Variants in GPR158 observed in about 807,000 individuals in gnomAD.
GPR158 encodes the protein G protein-coupled receptor 158.
A neutral mutation model predicts 78.2 loss-of-function variants in GPR158; 30 were observed. That is an observed-to-expected ratio of 0.38 (90% CI 0.29 to 0.52). The LOEUF is 0.52. Ranked by LOEUF, GPR158 falls within the 20% of genes least tolerant of loss-of-function variation. The pLI is 0.83. For missense variants in GPR158, 1,463 were observed against 1,523.5 expected (o/e 0.96, Z 0.66); for synonymous variants, 581 against 591.1 (o/e 0.98, Z 0.25).
intron 2 of GPR158, among the ~76,000 whole-genome samples, chr10:25,300,788 T>G (rs1854580781): frequency 6.6e-6 from 1 of 151,954 alleles, no homozygotes; most frequent in South Asian, 2.1e-4. Flanking sequence ...GGTGACCCCC[T>G]GTGATGCAAA....
chr10:25,207,764 A>G (rs1240986226), intron 1 of GPR158, among the ~76,000 whole-genome samples: 1 of 152,164 alleles, frequency 6.6e-6, no homozygotes. Flanking sequence ...GGTTGACTTT[A>G]TATGATTCTA....
chr10:25,241,309 CT>C (rs1452240238), intron 2 of GPR158, among the ~76,000 whole-genome samples: 10 of 105,684 alleles, frequency 9.5e-5, no homozygotes, highest in African/African-American at 3.2e-4. Context: ...CTTTTCTTTT[CT>C]TTTCTCTTCT....
At chr10:25,235,957 A>G (rs540811602) in intron 2 of GPR158, among the ~76,000 whole-genome samples, 2 of 151,990 alleles carry the variant, frequency 1.3e-5, no homozygotes, top group Non-Finnish European at 2.9e-5. Context: ...CAGCCCCCCA[A>G]AGTCCTGGGA....
chr10:25,579,923 C>G (rs1837165001), intron 7 of GPR158, among the ~76,000 whole-genome samples: 1 of 152,178 alleles, frequency 6.6e-6, no homozygotes, highest in Non-Finnish European at 1.5e-5. Flanking sequence ...TATAGCCTAA[C>G]TCTTCTTAAC....
chr10:25,571,072 G>A (rs964876047), intron 6 of GPR158, among the ~76,000 whole-genome samples: 2 of 152,156 alleles, frequency 1.3e-5, no homozygotes, highest in Non-Finnish European at 1.5e-5. Context: ...GAAGTGATTA[G>A]GCATAGTGAA....
At chr10:25,354,974 G>A (rs1855528863) in intron 2 of GPR158, among the ~76,000 whole-genome samples, 2 of 151,970 alleles carry the variant, frequency 1.3e-5, no homozygotes, top group Non-Finnish European at 2.9e-5. Context: ...TTCTCTAGAT[G>A]CTTTAGGATC....
At chr10:25,410,632 A>G (rs1339862551) in intron 3 of GPR158, among the ~76,000 whole-genome samples, 2 of 152,148 alleles carry the variant, frequency 1.3e-5, no homozygotes, top group Non-Finnish European at 2.9e-5. Context: ...AAATAAATAA[A>G]TAAATAACCT....
At position 25,387,380 on chromosome 10, in the gene GPR158, G is replaced by T. The variant is rs531820182; in HGVS notation, c.1009-8531G>T. Among the ~76,000 whole-genome samples the T allele has an allele frequency of 8.5e-5, 13 of 152,214 alleles. No individual in the cohort carries two copies. The East Asian group carries it at 2.5e-3, about 29-fold the overall frequency. ...GTCTGTTGAATTTCTGGTGAATTTG[G>T]TTTGAGATTTTTGCATCAATATTCA... On this transcript the variant is annotated intron_variant, in intron 2 of 10. Coordinates refer to ENST00000376351, the MANE Select transcript of GPR158 (RefSeq NM_020752.3).
chr10:25,312,684 C>T (rs114361512), intron 2 of GPR158, among the ~76,000 whole-genome samples: 2,710 of 152,140 alleles, frequency 0.018, 64 homozygotes, highest in African/African-American at 0.052. Flanking sequence ...AAGTGCTTTG[C>T]GCATACTTTC....
At chr10:25,241,416 CTTTTCTTT>C (rs1564399851) in intron 2 of GPR158, among the ~76,000 whole-genome samples, 104 of 138,128 alleles carry the variant, frequency 7.5e-4, no homozygotes, top group African/African-American at 2.9e-3. Flanking sequence ...CTTCTCTTTT[CTTTTCTTT>C]TCTTTTCTTT....
At chr10:25,424,868 C>T (rs1037698641) in intron 4 of GPR158, among the ~76,000 whole-genome samples, 9 of 152,178 alleles carry the variant, frequency 5.9e-5, no homozygotes, top group Non-Finnish European at 1.2e-4. Flanking sequence ...GCAATGCGGG[C>T]TCTTTTTTGG....
At chr10:25,398,742 T>C (rs1834401312) in intron 3 of GPR158, among the ~76,000 whole-genome samples, 1 of 152,348 alleles carries the variant, frequency 6.6e-6, no homozygotes, top group African/African-American at 2.4e-5. Context: ...ATTGCAGCCA[T>C]GAAAGAGAGG....
intron 3 of GPR158, among the ~76,000 whole-genome samples, chr10:25,410,516 C>T (rs1162168234): frequency 2.0e-5 from 3 of 151,888 alleles, no homozygotes; most frequent in Admixed American, 6.6e-5. Flanking sequence ...CTCAGGAAGC[C>T]GAGGCAGGAG....
chr10:25,287,040 T>C (rs1167710047), intron 2 of GPR158, among the ~76,000 whole-genome samples: 2 of 152,132 alleles, frequency 1.3e-5, no homozygotes, highest in South Asian at 4.1e-4. Context: ...TTTATTATAG[T>C]TCTAATTAAG....
At chr10:25,270,444 G>C (rs1168255679) in intron 2 of GPR158, among the ~76,000 whole-genome samples, 1 of 152,178 alleles carries the variant, frequency 6.6e-6, no homozygotes, top group Non-Finnish European at 1.5e-5. Context: ...CATGCTTGAA[G>C]TATAAGAGAA....
At chr10:25,497,915 C>A (rs1285848183) in intron 5 of GPR158, among the ~76,000 whole-genome samples, 1 of 152,080 alleles carries the variant, frequency 6.6e-6, no homozygotes, top group South Asian at 2.1e-4. Flanking sequence ...TATCACTAAA[C>A]CTTGTAAAAA....
intron 5 of GPR158, among the ~76,000 whole-genome samples, chr10:25,485,422 G>A (rs1238730011): frequency 6.6e-6 from 1 of 151,976 alleles, no homozygotes; most frequent in Non-Finnish European, 1.5e-5. Flanking sequence ...ACCCTAAAAA[G>A]ATCCAGAGCC....
chr10:25,552,528 T>C (rs7919640), intron 6 of GPR158, among the ~76,000 whole-genome samples: 86,276 of 152,066 alleles, frequency 0.57, 26,507 homozygotes, highest in African/African-American at 0.81. Flanking sequence ...ATAATACTTA[T>C]GGTGCCTTAT....
chr10:25,282,550 T>C (rs1376700174), intron 2 of GPR158, among the ~76,000 whole-genome samples: 2 of 152,166 alleles, frequency 1.3e-5, no homozygotes, highest in Non-Finnish European at 2.9e-5. Flanking sequence ...AGAGACACAC[T>C]GTTTTCCAAA....
Sources: allele counts gnomAD v4.1 joint callset (sites outside exome capture counted in the v4.1 genomes callset), GRCh38; gene constraint gnomAD v4.1.1; transcripts MANE v1.5; gene names NCBI Gene and HGNC (gene_info 2026-07-23, HGNC 2026-07-21).